Variants in CSMD1 observed in about 807,000 individuals in gnomAD.
CSMD1 encodes the protein CUB and sushi domain-containing protein 1.
A neutral mutation model predicts 417.5 loss-of-function variants in CSMD1; 213 were observed. The observed-to-expected ratio is 0.51, with a 90% confidence interval of 0.46 to 0.57. The LOEUF is 0.57. CSMD1 is among the 20% of genes least tolerant of loss of function. The pLI is 0.00. For missense variants in CSMD1, 6,923 were observed against 4,529.7 expected (o/e 1.53, Z -15.17); for synonymous variants, 2,862 against 1,736.8 (o/e 1.65, Z -16.11).
At chr8:4,978,708 G>A (rs116287882) in intron 1 of CSMD1, among the ~76,000 whole-genome samples, 1,834 of 152,198 alleles carry the variant, frequency 0.012, 34 homozygotes, top group South Asian at 0.073. Context: ...GAGGCCAAGG[G>A]GAATGGATTA....
chr8:4,977,539 G>C lies in CSMD1; in HGVS notation c.85+16793C>G, dbSNP rs75841143. Among the ~76,000 whole-genome samples, 217 of 152,300 alleles carry C rather than the reference G, an allele frequency of 1.4e-3. 3 individuals carry two copies. In the East Asian group the frequency reaches 0.021, roughly 15 times the overall value. On this transcript the variant is annotated intron_variant, in intron 1 of 69. Transcript: ENST00000635120. ...TAAATTCACAGAGCTCCCTTTGAGA[G>C]GGAACACAGCGCACAGTGGCTGGCT...
intron 3 of CSMD1, among the ~76,000 whole-genome samples, chr8:4,156,645 C>G (rs779443462): frequency 1.3e-5 from 2 of 152,084 alleles, no homozygotes; most frequent in Admixed American, 6.6e-5. Context: ...TTTGGTGATA[C>G]CAGGTACCCA....
At position 4,311,445 on chromosome 8, in the gene CSMD1, G is replaced by A. The variant is rs150570753; in HGVS notation, c.415+108508C>T. On this transcript the variant is annotated intron_variant, in intron 3 of 69. Transcript: ENST00000635120. ...TCACTTATGAGTGGAATCTAAGTCT[G>A]GACATCGTGGCTCACAGCTGTAATC... Among the ~76,000 whole-genome samples the A allele has an allele frequency of 2.1e-3, 313 of 152,214 alleles. 1 individual carries two copies. Among genetic ancestry groups the A allele is most frequent in the Admixed American group, 5.4e-3 (83 of 15,270 alleles).
Position 4,196,772 on chromosome 8 carries a change from T to C in CSMD1, c.416-164673A>G, listed in dbSNP as rs1296400649. Among the ~76,000 whole-genome samples, 7 of 152,190 alleles carry C rather than the reference T, an allele frequency of 4.6e-5. No individual in the cohort carries two copies. In the East Asian group the frequency reaches 1.4e-3, roughly 29 times the overall value. ...ACCCTTTATCTTATCTGTAAACCCC[T>C]TTTTCCCATAAAGCAACCTATTCAC... On this transcript the variant is annotated intron_variant, in intron 3 of 69. Transcript: ENST00000635120.
chr8:3,240,256 G>A (rs1008408371), intron 26 of CSMD1, among the ~76,000 whole-genome samples: 1 of 152,126 alleles, frequency 6.6e-6, no homozygotes, highest in African/African-American at 2.4e-5. Flanking sequence ...GAGCTAGGAT[G>A]GGGGCAGTCT....
intron 26 of CSMD1, among the ~76,000 whole-genome samples, chr8:3,259,759 G>T (rs1296013823): frequency 1.3e-5 from 2 of 152,178 alleles, no homozygotes; most frequent in Non-Finnish European, 2.9e-5. Flanking sequence ...TAAAACATGA[G>T]TTGGCAAACT....
chr8:3,726,862 A>T (rs1802527479), intron 6 of CSMD1, among the ~76,000 whole-genome samples: 1 of 152,188 alleles, frequency 6.6e-6, no homozygotes, highest in African/African-American at 2.4e-5. Flanking sequence ...TCCCTGCCCA[A>T]AGATAGATTT....
intron 8 of CSMD1, among the ~76,000 whole-genome samples, chr8:3,596,041 T>C (rs1203281578): frequency 1.4e-5 from 2 of 145,602 alleles, no homozygotes; most frequent in Admixed American, 1.4e-4. Context: ...CGTCAGTGCC[T>C]ATTTTCCACG....
intron 5 of CSMD1, among the ~76,000 whole-genome samples, chr8:3,904,613 CTCTT>C (rs894544807): frequency 4.7e-5 from 7 of 149,698 alleles, no homozygotes; most frequent in South Asian, 4.3e-4. Flanking sequence ...TTTCCTTTTT[CTCTT>C]TCTTTCTTTC....
chr8:4,137,588 G>T lies in CSMD1; in HGVS notation c.416-105489C>A, dbSNP rs928020574. Among the ~76,000 whole-genome samples the T allele has an allele frequency of 1.5e-5, 2 of 131,090 alleles. 1 individual carries two copies. Among genetic ancestry groups the T allele is most frequent in the Non-Finnish European group, 3.5e-5 (2 of 56,468 alleles). 86.0% of individuals were successfully genotyped at this position (131,090 alleles called of 152,430 possible). On this transcript the variant is annotated intron_variant, in intron 3 of 69. Coordinates refer to ENST00000635120, the MANE Select transcript of CSMD1 (RefSeq NM_033225.6). Reference sequence around the variant, plus strand: ...ACAAGATTTGATGTTAATGGAACTGGTTGGTTTGTAAGATACAAAAAAGAC... The same window carrying T: ...ACAAGATTTGATGTTAATGGAACTGTTTGGTTTGTAAGATACAAAAAAGAC...
chr8:4,462,194 A>G (rs140268460), intron 2 of CSMD1, among the ~76,000 whole-genome samples: 2 of 152,274 alleles, frequency 1.3e-5, no homozygotes, highest in Non-Finnish European at 2.9e-5. Flanking sequence ...AATTGTATTT[A>G]TCCACAATAG....
intron 6 of CSMD1, among the ~76,000 whole-genome samples, chr8:3,711,642 G>C (rs992587036): frequency 1.3e-5 from 2 of 152,140 alleles, no homozygotes; most frequent in African/African-American, 2.4e-5. Context: ...GGGAACACGA[G>C]ATGGGGTATC....
intron 12 of CSMD1, among the ~76,000 whole-genome samples, chr8:3,466,238 G>A (rs73497480): frequency 1.3e-5 from 2 of 151,654 alleles, no homozygotes; most frequent in South Asian, 2.1e-4. Context: ...GATACACAAA[G>A]GGTTTAAATA....
rs560030063 is a variant in CSMD1 at position 3,442,493 on chromosome 8, C to A, written c.1561+26219G>T. On this transcript the variant is annotated intron_variant, in intron 12 of 69. Coordinates refer to ENST00000635120, the MANE Select transcript of CSMD1 (RefSeq NM_033225.6). ...TACCTTTTGTATGTTTACATATGTT[C>A]GATACACAAATGTTACTTCTTGTTA... Among the ~76,000 whole-genome samples the A allele has an allele frequency of 2.4e-4, 37 of 152,240 alleles. No homozygotes were observed. In the South Asian group the frequency reaches 7.5e-3, roughly 31 times the overall value.
chr8:3,247,625 C>A (rs1465783482), intron 26 of CSMD1, among the ~76,000 whole-genome samples: 1 of 152,106 alleles, frequency 6.6e-6, no homozygotes, highest in Non-Finnish European at 1.5e-5. Flanking sequence ...CAGAGGTGGC[C>A]TCTGAGCCTG....
chr8:3,112,236 T>C (rs1816563337), intron 42 of CSMD1, among the ~76,000 whole-genome samples: 1 of 152,114 alleles, frequency 6.6e-6, no homozygotes, highest in Non-Finnish European at 1.5e-5. Context: ...ACTTTAAGAG[T>C]GAACTCATGA....
intron 2 of CSMD1, among the ~76,000 whole-genome samples, chr8:4,493,375 G>C (rs1801805242): frequency 6.6e-6 from 1 of 152,044 alleles, no homozygotes; most frequent in Non-Finnish European, 1.5e-5. Context: ...GTTTGGTAAA[G>C]GATTACTACT....
chr8:4,531,572 T>C (rs897278422), intron 2 of CSMD1, among the ~76,000 whole-genome samples: 1 of 152,116 alleles, frequency 6.6e-6, no homozygotes, highest in Non-Finnish European at 1.5e-5. Context: ...TTTTGCCAGA[T>C]GTAAAGTCCT....
intron 1 of CSMD1, among the ~76,000 whole-genome samples, chr8:4,831,149 G>C (rs1337891265): frequency 1.3e-5 from 2 of 152,136 alleles, no homozygotes; most frequent in Non-Finnish European, 2.9e-5. Context: ...TAAATCATCC[G>C]TTATTCAATG....
Sources: gnomAD v4.1 joint callset for allele counts (sites outside exome capture counted in the v4.1 genomes callset) on GRCh38, gnomAD v4.1.1 for gene constraint, MANE v1.5 for transcripts, NCBI Gene and HGNC (gene_info 2026-07-23, HGNC 2026-07-21) for gene names.